The following DOCK1 variants were observed in gnomAD, a reference collection of about 807,000 sequenced individuals.
DOCK1 encodes the protein dedicator of cytokinesis protein 1.
A neutral mutation model predicts 262.7 loss-of-function variants in DOCK1; 138 were observed. The ratio of observed to expected loss-of-function variants is 0.53; its 90% CI spans 0.46 to 0.61. The LOEUF (loss-of-function observed/expected upper bound fraction) is 0.61, where lower values mean the gene tolerates loss of function less well. DOCK1 is among the 20% of genes least tolerant of loss of function. The pLI is 0.00. For missense variants in DOCK1, 1,908 were observed against 2,370.7 expected, an observed-to-expected ratio of 0.80 and a Z score of 4.05; for synonymous variants, 866 against 867.4, an observed-to-expected ratio of 1.00 and a Z score of 0.03.
intron 13 of DOCK1, among the ~76,000 whole-genome samples, chr10:127,020,431 C>T (rs2042330191): frequency 6.6e-6 from 1 of 151,868 alleles, no homozygotes; most frequent in East Asian, 1.9e-4. Flanking sequence ...TGGTGAGTGC[C>T]AGGTAGTAGC....
At chr10:127,403,270 C>A in intron 39 of DOCK1, 126 bp downstream of exon 39, 1 of 874,060 alleles carries the variant, frequency 1.1e-6, no homozygotes. Context: ...CATGTCCCTC[C>A]GTTTTGCCTA....
chr10:127,230,663 A>G (rs990801234), intron 27 of DOCK1, among the ~76,000 whole-genome samples: 1 of 152,078 alleles, frequency 6.6e-6, no homozygotes, highest in African/African-American at 2.4e-5. Context: ...TTTGATTACT[A>G]TAGCTTTATA....
intron 2 of DOCK1, among the ~76,000 whole-genome samples, chr10:126,972,566 T>C (rs1429304323): frequency 6.6e-6 from 1 of 152,074 alleles, no homozygotes; most frequent in Non-Finnish European, 1.5e-5. Flanking sequence ...CCCTTCCACA[T>C]GGGAGGTTGG....
intron 3 of DOCK1, 137 bp from the exon 4 acceptor site, chr10:126,981,781 T>C: frequency 1.3e-6 from 1 of 774,000 alleles, no homozygotes; most frequent in Non-Finnish European, 2.0e-6. Flanking sequence ...CTTTGTGTTT[T>C]CTTTGATATG....
intron 29 of DOCK1, among the ~76,000 whole-genome samples, chr10:127,261,359 CTGTGTGTGTGCATGTGGG>C (rs2060099967): frequency 2.5e-5 from 2 of 79,102 alleles, no homozygotes; most frequent in African/African-American, 5.3e-5. Flanking sequence ...CCGTGCTCAT[CTGTGTGTGTGCATGTGGG>C]TGTGTGTGTA....
intron 47 of DOCK1, among the ~76,000 whole-genome samples, chr10:127,427,885 C>G (rs929580042): frequency 3.9e-5 from 6 of 152,258 alleles, no homozygotes; most frequent in Non-Finnish European, 5.9e-5. Flanking sequence ...GGGCTTGAAC[C>G]CAACAAAGCC....
rs530886108 is a variant in DOCK1, at chr10:127,402,652, G to A, written c.3928-403G>A. Reference sequence around the variant, plus strand: ...GCTTGGGAAAAGAGCCAAGTCAGGCGCCCAGTTTCTACATAAATGGCACCC... The same window carrying A: ...GCTTGGGAAAAGAGCCAAGTCAGGCACCCAGTTTCTACATAAATGGCACCC... On this transcript the variant is annotated intron_variant, in intron 38 of 51. Transcript: ENST00000623213. 179 of 519,396 alleles carry A rather than the reference G, an allele frequency of 3.4e-4. 1 individual carries two copies. The highest frequency in any genetic ancestry group is 1.9e-3 in the South Asian group (133 of 71,526). 32.2% of individuals were successfully genotyped at this position (519,396 alleles called of 1,614,324 possible).
intron 23 of DOCK1, among the ~76,000 whole-genome samples, chr10:127,069,612 G>C (rs924146189): frequency 6.6e-6 from 1 of 152,176 alleles, no homozygotes; most frequent in South Asian, 2.1e-4. Context: ...CTCATCATTC[G>C]TGGGGACACA....
In DOCK1 at chr10:127,418,553, A is replaced by G; in HGVS notation, c.4692+12A>G. The G allele has an allele frequency of 1.2e-6, 2 of 1,609,378 alleles. No homozygotes were observed. The highest frequency in any genetic ancestry group is 1.7e-6 in the Non-Finnish European group (2 of 1,178,146). On this transcript the variant is annotated intron_variant, in intron 45 of 51. Coordinates refer to ENST00000623213, the MANE Select transcript of DOCK1 (RefSeq NM_001290223.2). ...CAAACTACGAAAAGGTACGGGACCCACCAGCTTGCTCTGGGCAAGCAGTCC... is the reference window on the plus strand; with the variant it reads ...CAAACTACGAAAAGGTACGGGACCCGCCAGCTTGCTCTGGGCAAGCAGTCC...
intron 27 of DOCK1, among the ~76,000 whole-genome samples, chr10:127,129,208 A>C (rs148771908): frequency 3.7e-4 from 56 of 152,150 alleles, no homozygotes; most frequent in African/African-American, 1.3e-3. Flanking sequence ...CCATCCAGTG[A>C]AACAGTTCAT....
At chr10:127,033,068 G>A (rs754802982) in intron 18 of DOCK1, among the ~76,000 whole-genome samples, 2 of 152,156 alleles carry the variant, frequency 1.3e-5, no homozygotes, top group South Asian at 2.1e-4. Flanking sequence ...CTGTCGATAC[G>A]GGAATAGTGC....
chr10:127,116,422 T>G (rs1015437489), intron 25 of DOCK1, among the ~76,000 whole-genome samples: 32 of 152,180 alleles, frequency 2.1e-4, no homozygotes, highest in African/African-American at 7.5e-4. Context: ...AGCAGCCCTT[T>G]GAAATCTGAG....
intron 2 of DOCK1, among the ~76,000 whole-genome samples, chr10:126,977,435 A>G (rs1237445160): frequency 1.3e-5 from 2 of 152,112 alleles, no homozygotes; most frequent in Non-Finnish European, 2.9e-5. Flanking sequence ...TATTGTTGCT[A>G]CAGAAGTACT....
At chr10:127,101,236 G>A (rs1397451598) in intron 23 of DOCK1, among the ~76,000 whole-genome samples, 1 of 152,008 alleles carries the variant, frequency 6.6e-6, no homozygotes, top group Non-Finnish European at 1.5e-5. Context: ...AGATGGGAGG[G>A]GTGGGGGTCA....
intron 27 of DOCK1, among the ~76,000 whole-genome samples, chr10:127,199,287 G>T (rs1050144652): frequency 2.0e-5 from 3 of 152,102 alleles, no homozygotes; most frequent in African/African-American, 7.2e-5. Context: ...TCTTGGAATT[G>T]TGCAGGGGTT....
rs570757469 is a variant in DOCK1, at chr10:127,435,307, C to G, written c.5060+1879C>G. ...GTTTACAATCCATCACCCTATCAAA[C>G]CCACAGGCATCTGGCCCCCTCAACA... On this transcript the variant is annotated intron_variant, in intron 48 of 51. Transcript: ENST00000623213. 5.1e-4 allele frequency among the ~76,000 whole-genome samples: 77 copies of G among 152,270 alleles called. 1 individual carries two copies. The highest frequency in any genetic ancestry group is 1.6e-3 in the African/African-American group (68 of 41,548).
At chr10:127,080,596 C>T (rs974405702) in intron 23 of DOCK1, among the ~76,000 whole-genome samples, 2 of 152,040 alleles carry the variant, frequency 1.3e-5, no homozygotes, top group Non-Finnish European at 2.9e-5. Flanking sequence ...TATTTCCTGG[C>T]ACACCTGGCT....
chr10:126,931,052 T>G (rs1293068502), intron 1 of DOCK1, among the ~76,000 whole-genome samples: 2 of 151,834 alleles, frequency 1.3e-5, no homozygotes, highest in African/African-American at 2.4e-5. Flanking sequence ...GCCAGTTTAT[T>G]TTGGAGTTGG....
At chr10:127,065,013 T>G (rs1036432033) in intron 23 of DOCK1, among the ~76,000 whole-genome samples, 1 of 152,042 alleles carries the variant, frequency 6.6e-6, no homozygotes, top group Non-Finnish European at 1.5e-5. Context: ...GTGTCTGGCT[T>G]TTTTTCTTTT....
Sources: allele counts gnomAD v4.1 joint callset (sites outside exome capture counted in the v4.1 genomes callset), GRCh38; gene constraint gnomAD v4.1.1; transcripts MANE v1.5; gene names NCBI Gene and HGNC (gene_info 2026-07-23, HGNC 2026-07-21).